Variants in GLB1L2 observed in about 807,000 individuals in gnomAD.
GLB1L2 encodes galactosidase beta 1 like 2, also known as beta-galactosidase-1-like protein 2.
In GLB1L2, 68 loss-of-function variants were observed where a neutral mutation model predicts 84.1. The observed-to-expected ratio is 0.81, with a 90% CI of 0.67 to 0.99. The LOEUF is 0.99. GLB1L2 is among the 50% of genes least tolerant of loss of function. The pLI is 0.00. For synonymous variants in GLB1L2, 290 were observed against 318.0 expected, an observed-to-expected ratio of 0.91 and a Z score of 0.94; for missense variants, 762 against 805.6, an observed-to-expected ratio of 0.95 and a Z score of 0.66.
chr11:134,363,623 G>C (rs929551272), intron 7 of GLB1L2, among the ~76,000 whole-genome samples: 1 of 152,226 alleles, frequency 6.6e-6, no homozygotes, highest in Non-Finnish European at 1.5e-5. Context: ...GTAGAATACA[G>C]AATTAGCCCT....
At chr11:134,354,766 A>G (rs1943679554) in intron 5 of GLB1L2, among the ~76,000 whole-genome samples, 1 of 152,140 alleles carries the variant, frequency 6.6e-6, no homozygotes, top group African/African-American at 2.4e-5. Context: ...CCTGTGACCA[A>G]AACTTTTTCT....
chr11:134,333,358 T>C (rs1012691873), intron 1 of GLB1L2, among the ~76,000 whole-genome samples: 2 of 152,202 alleles, frequency 1.3e-5, no homozygotes, highest in Admixed American at 6.5e-5. Context: ...CCCTGGCTCC[T>C]GTGGGATGCT....
chr11:134,351,325 T>C (rs922071703), intron 5 of GLB1L2, among the ~76,000 whole-genome samples: 3 of 151,656 alleles, frequency 2.0e-5, no homozygotes, highest in Non-Finnish European at 4.4e-5. Flanking sequence ...GTATATTACA[T>C]TGATTGATTC....
At chr11:134,344,320 A>T in intron 2 of GLB1L2, 67 bp from the exon 3 acceptor site, 3 of 1,579,962 alleles carry the variant, frequency 1.9e-6, no homozygotes, top group Non-Finnish European at 2.6e-6. Context: ...GGGCTAAAGA[A>T]GGTAATGTGA....
intron 7 of GLB1L2, chr11:134,360,694 T>G (rs1328092718): frequency 6.6e-6 from 1 of 152,028 alleles, no homozygotes; most frequent in Non-Finnish European, 1.5e-5. Context: ...AATTAAATGG[T>G]CTAAAAGTGA....
Position 134,367,348 on chromosome 11 carries a change from G to C in GLB1L2, c.889+7G>C, listed in dbSNP as rs1202170939. 1 of 1,611,216 alleles carries C rather than the reference G, an allele frequency of 6.2e-7. No individual in the cohort carries two copies. The highest frequency in any genetic ancestry group is 1.7e-5 in the Admixed American group (1 of 59,962). ...AATATCTTGGATTCTTCTGGTGAGT[G>C]CTTGCGGTGACTACATCCAGAATGT... On this transcript the variant is annotated splice_region_variant and intron_variant, in intron 9 of 18. Coordinates refer to ENST00000535456, the MANE Select transcript of GLB1L2 (RefSeq NM_001370461.1).
intron 6 of GLB1L2, among the ~76,000 whole-genome samples, chr11:134,357,039 G>A (rs530230776): frequency 6.6e-6 from 1 of 152,316 alleles, no homozygotes; most frequent in East Asian, 1.9e-4. Flanking sequence ...TGAGTATGAT[G>A]TGATATCCCG....
Position 134,370,344 on chromosome 11 carries a change from C to T in GLB1L2, c.1160C>T (p.Pro387Leu), listed in dbSNP as rs748777422. 1.9e-6 allele frequency: 3 copies of T among 1,613,860 alleles called. No homozygotes were observed. The highest frequency in any genetic ancestry group is 1.7e-5 in the Admixed American group (1 of 59,990). The change falls in exon 12 of 19, where the codon CCC becomes CTC. Residue 387 changes from proline to leucine, a missense_variant. Pro to Leu is a moderately conservative substitution (Grantham distance 98). Around this residue, in one of 3 missense-constraint regions of GLB1L2, gnomAD observed 603 missense variants for 611.7 expected, o/e 0.99. Transcript: ENST00000535456. This position sits in a 1 kb window ranked among gnomAD's most constrained non-coding sequence, Gnocchi z 4.7. ...PDLLPKMPYEPLTPVLYLSLW... is the reference protein window; with the variant it reads ...PDLLPKMPYELLTPVLYLSLW... ...CTTCTTCCCAAGATGCCGTATGAGCCCTTAACGCCAGTCTTGTACCTGTCT... is the reference window on the plus strand; with the variant it reads ...CTTCTTCCCAAGATGCCGTATGAGCTCTTAACGCCAGTCTTGTACCTGTCT...
At chr11:134,346,103 A>G (rs935288273) in intron 4 of GLB1L2, among the ~76,000 whole-genome samples, 4 of 152,122 alleles carry the variant, frequency 2.6e-5, no homozygotes, top group East Asian at 1.9e-4. Flanking sequence ...CTTGTCCCCA[A>G]GCCGTCTCCC....
rs1943456922 is a variant in GLB1L2 at position 134,341,246 on chromosome 11, C to T, written c.87-1508C>T. 2.0e-5 allele frequency among the ~76,000 whole-genome samples: 3 copies of T among 152,108 alleles called. No homozygotes were observed. In the South Asian group the frequency reaches 6.2e-4, roughly 32 times the overall value. On this transcript the variant is annotated intron_variant, in intron 1 of 18. Coordinates refer to ENST00000535456, the MANE Select transcript of GLB1L2 (RefSeq NM_001370461.1). ...AATTGATTTCAGATAGAGATAAGAC[C>T]CTTCGACTCACAGCAGAGAGTGTTG...
rs375913846 is a variant in GLB1L2, at chr11:134,370,487, G to A, written c.1215+88G>A. The A allele has an allele frequency of 5.0e-5, 53 of 1,056,724 alleles. No individual in the cohort carries two copies. Among genetic ancestry groups the A allele is most frequent in the Middle Eastern group, 4.2e-4 (2 of 4,724 alleles). The allele number at this position is 1,056,724 out of a possible 1,614,324, so 65.5% of individuals were successfully genotyped here. A position where few individuals can be genotyped will look rare whatever the true frequency, so the allele number is the denominator to read the frequency against. ...GTGAGTGCTGGGGGCAGTCGTCGGC[G>A]GGAGGTGAGAGTCGTCGGGGCAGCA... On this transcript the variant is annotated intron_variant, in intron 12 of 18. Coordinates refer to ENST00000535456, the MANE Select transcript of GLB1L2 (RefSeq NM_001370461.1). This position sits in a 1 kb window ranked among gnomAD's most constrained non-coding sequence, Gnocchi z 4.7.
chr11:134,339,336 T>C lies in GLB1L2; in HGVS notation c.87-3418T>C, dbSNP rs1943431298. Among the ~76,000 whole-genome samples, 1 of 152,224 alleles carries C rather than the reference T, an allele frequency of 6.6e-6. No individual in the cohort carries two copies. Among genetic ancestry groups the C allele is most frequent in the African/African-American group, 2.4e-5 (1 of 41,462 alleles). On this transcript the variant is annotated intron_variant, in intron 1 of 18. Transcript: ENST00000535456. The surrounding 1 kb of genome is among the most constrained non-coding windows in gnomAD (Gnocchi z 5.7). ...TATTAGTATTAATGATCATTATCAG[T>C]GTTAATAGCCATTTACATGATGCTT...
In GLB1L2 at chr11:134,356,360, T is replaced by G; in HGVS notation, c.618T>G (p.Asn206Lys). Residue 206 changes from asparagine to lysine, a missense_variant, in exon 6 of 19, where the codon AAT (asparagine) becomes AAG (lysine). Physicochemically the swap from Asn to Lys is moderately conservative, Grantham distance 94 (BLOSUM62 0). Transcript: ENST00000535456. ...TGGAGAATGAATATGGTTCCTATAATAAAGACCCCGCATACATGCCCTACG... is the reference window on the plus strand; with the variant it reads ...TGGAGAATGAATATGGTTCCTATAAGAAAGACCCCGCATACATGCCCTACG... ...VQVENEYGSY[N>K]KDPAYMPYVK... is the part of the protein sequence containing the mutation. 6.2e-7 allele frequency: 1 copy of G among 1,613,936 alleles called. No homozygotes were observed. Among genetic ancestry groups the G allele is most frequent in the Non-Finnish European group, 8.5e-7 (1 of 1,179,836 alleles).
chr11:134,341,777 C>T (rs890525811), intron 1 of GLB1L2, among the ~76,000 whole-genome samples: 3 of 152,216 alleles, frequency 2.0e-5, no homozygotes, highest in Admixed American at 2.0e-4. Context: ...GGGCACCCTG[C>T]CCCCTCCCCG....
chr11:134,332,227 CCCGCGAAT>C, intron 1 of GLB1L2, 80 bp downstream of exon 1: 1 of 994,070 alleles, frequency 1.0e-6, no homozygotes, highest in Non-Finnish European at 1.5e-6. Flanking sequence ...CCTCCCGCGA[CCCGCGAAT>C]CCCGAGTTCC....
chr11:134,347,121 G>C (rs1943562075), intron 4 of GLB1L2: 1 of 549,122 alleles, frequency 1.8e-6, no homozygotes, highest in African/African-American at 1.9e-5. Flanking sequence ...TGTCCTTGGG[G>C]AGGGAAGCTG....
chr11:134,341,992 G>GCACCGGCTCCTGCCCCGGACTCAGCCAC, intron 1 of GLB1L2, among the ~76,000 whole-genome samples: 1 of 113,148 alleles, frequency 8.8e-6, no homozygotes, highest in African/African-American at 3.5e-5. Flanking sequence ...ACTCAGCCAC[G>GCACCGGCTCCTGCCCCGGACTCAGCCAC]CCCTTGTTTC....
chr11:134,356,422 G>A, intron 6 of GLB1L2, 29 bp downstream of exon 6: 5 of 1,519,592 alleles, frequency 3.3e-6, no homozygotes, highest in Non-Finnish European at 4.6e-6. Context: ...CGTTTCTTTA[G>A]ATTCCTTCCT....
At chr11:134,349,105 C>T (rs1181586119) in intron 5 of GLB1L2, among the ~76,000 whole-genome samples, 1 of 152,168 alleles carries the variant, frequency 6.6e-6, no homozygotes, top group Non-Finnish European at 1.5e-5. Context: ...GCCGTTAAAC[C>T]CTCCATTCTT....
Sources: allele counts gnomAD v4.1 joint callset (sites outside exome capture counted in the v4.1 genomes callset), GRCh38; gene constraint gnomAD v4.1.1; regional missense constraint gnomAD v4.1.1; non-coding constraint Gnocchi (gnomAD v3.1); transcripts MANE v1.5; gene names NCBI Gene and HGNC (gene_info 2026-07-23, HGNC 2026-07-21).